Variants in KIAA1328 observed in about 807,000 individuals in gnomAD.
KIAA1328 encodes the protein protein hinderin.
KIAA1328 carries 52 observed loss-of-function variants against 68.1 expected under a neutral mutation model. That is an observed-to-expected ratio of 0.76 (90% CI 0.61 to 0.96). KIAA1328 has a LOEUF of 0.96. Ranked by LOEUF, KIAA1328 falls within the 40% of genes least tolerant of loss-of-function variation. KIAA1328 has a pLI of 0.00. For missense variants in KIAA1328, 641 were observed against 677.6 expected, an observed-to-expected ratio of 0.95 and a Z score of 0.60; for synonymous variants, 232 against 239.4, an observed-to-expected ratio of 0.97 and a Z score of 0.28.
At chr18:37,097,230 C>T (rs1261759619) in intron 7 of KIAA1328, among the ~76,000 whole-genome samples, 4 of 152,190 alleles carry the variant, frequency 2.6e-5, no homozygotes, top group East Asian at 3.8e-4. Context: ...GTCTTTAATA[C>T]ATTTTGAATT....
intron 7 of KIAA1328, among the ~76,000 whole-genome samples, chr18:37,126,076 G>A (rs971657705): frequency 6.6e-6 from 1 of 152,158 alleles, no homozygotes; most frequent in Non-Finnish European, 1.5e-5. Context: ...AGTGGCTGAT[G>A]CCTTTGTTTT....
At chr18:37,191,974 G>A (rs2059912870) in intron 9 of KIAA1328, among the ~76,000 whole-genome samples, 1 of 152,124 alleles carries the variant, frequency 6.6e-6, no homozygotes, top group South Asian at 2.1e-4. Flanking sequence ...CGAATCTCAG[G>A]TCTCTTCCAA....
chr18:36,944,579 A>C (rs1316512326), intron 5 of KIAA1328, among the ~76,000 whole-genome samples: 1 of 104,116 alleles, frequency 9.6e-6, no homozygotes, highest in Non-Finnish European at 2.5e-5. Flanking sequence ...ACTCTGTCTC[A>C]AAAAAAAAAT....
chr18:37,129,864 G>C (rs985415545), intron 7 of KIAA1328, among the ~76,000 whole-genome samples: 1 of 152,162 alleles, frequency 6.6e-6, no homozygotes, highest in Non-Finnish European at 1.5e-5. Context: ...TGTGAAGAAG[G>C]GTGGAAGGAA....
chr18:36,910,902 T>C (rs1170768367), intron 5 of KIAA1328, among the ~76,000 whole-genome samples: 1 of 152,054 alleles, frequency 6.6e-6, no homozygotes, highest in African/African-American at 2.4e-5. Flanking sequence ...ATGAGAAATA[T>C]ACTCAGGAAA....
At chr18:37,090,795 G>A (rs1305874438) in intron 7 of KIAA1328, among the ~76,000 whole-genome samples, 1 of 152,112 alleles carries the variant, frequency 6.6e-6, no homozygotes, top group Non-Finnish European at 1.5e-5. Context: ...ATGCCCAGAT[G>A]CCCCTAGACC....
chr18:37,115,406 A>G (rs1055891985), intron 7 of KIAA1328, among the ~76,000 whole-genome samples: 1 of 152,212 alleles, frequency 6.6e-6, no homozygotes, highest in South Asian at 2.1e-4. Context: ...AGAACCAAAG[A>G]CAAAAACCAC....
intron 4 of KIAA1328, among the ~76,000 whole-genome samples, chr18:36,867,400 C>G (rs559655582): frequency 3.9e-5 from 6 of 152,310 alleles, no homozygotes; most frequent in African/African-American, 1.2e-4. Flanking sequence ...ACTGTATTTT[C>G]TGTACAGCCT....
At chr18:37,064,920 A>C (rs893300188) in intron 6 of KIAA1328, among the ~76,000 whole-genome samples, 2 of 152,176 alleles carry the variant, frequency 1.3e-5, no homozygotes, top group African/African-American at 4.8e-5. Flanking sequence ...CAGATTTCTA[A>C]TTTCTGACTT....
chr18:37,219,303 G>A (rs2060510253), intron 9 of KIAA1328, among the ~76,000 whole-genome samples: 1 of 152,240 alleles, frequency 6.6e-6, no homozygotes, highest in Non-Finnish European at 1.5e-5. Context: ...ACCCACTTGA[G>A]GCAGTCTGTC....
At chr18:37,214,326 G>T (rs1404017571) in intron 9 of KIAA1328, among the ~76,000 whole-genome samples, 1 of 152,104 alleles carries the variant, frequency 6.6e-6, no homozygotes, top group African/African-American at 2.4e-5. Context: ...TAATTTTTGT[G>T]TAAGGTGTAA....
intron 6 of KIAA1328, among the ~76,000 whole-genome samples, chr18:37,042,228 G>A (rs1221749922): frequency 1.3e-5 from 2 of 151,996 alleles, no homozygotes; most frequent in African/African-American, 4.8e-5. Context: ...CAACAATACT[G>A]TTTTATACTT....
intron 7 of KIAA1328, among the ~76,000 whole-genome samples, chr18:37,096,997 G>T (rs887296659): frequency 2.7e-5 from 4 of 149,112 alleles, no homozygotes; most frequent in African/African-American, 9.8e-5. Context: ...TGAGTAGATT[G>T]CAAAAATTTT....
At chr18:37,006,508 A>T (rs1004880429) in intron 6 of KIAA1328, among the ~76,000 whole-genome samples, 1 of 152,054 alleles carries the variant, frequency 6.6e-6, no homozygotes, top group Non-Finnish European at 1.5e-5. Flanking sequence ...TTTATTTAAT[A>T]GTTGTATCTC....
intron 9 of KIAA1328, among the ~76,000 whole-genome samples, chr18:37,177,526 G>A (rs2059617530): frequency 6.6e-6 from 1 of 152,150 alleles, no homozygotes; most frequent in Non-Finnish European, 1.5e-5. Flanking sequence ...AAGAAAGGGA[G>A]ATTTCACCAA....
At chr18:37,047,673 T>C (rs190745844) in intron 6 of KIAA1328, among the ~76,000 whole-genome samples, 125 of 152,328 alleles carry the variant, frequency 8.2e-4, no homozygotes, top group Non-Finnish European at 1.4e-3. Context: ...TATGAAACTT[T>C]TTCAACTTCC....
At chr18:37,083,887 A>G (rs1450231537) in intron 7 of KIAA1328, among the ~76,000 whole-genome samples, 2 of 152,220 alleles carry the variant, frequency 1.3e-5, no homozygotes, top group African/African-American at 4.8e-5. Context: ...TTGAATTTTT[A>G]AATGATATTC....
At chr18:37,169,804 GA>G (rs913553783) in intron 8 of KIAA1328, among the ~76,000 whole-genome samples, 1 of 152,086 alleles carries the variant, frequency 6.6e-6, no homozygotes, top group African/African-American at 2.4e-5. Flanking sequence ...TCTTTCTTCA[GA>G]AAAATAAATG....
intron 5 of KIAA1328, among the ~76,000 whole-genome samples, chr18:36,925,571 C>G (rs1165956877): frequency 2.0e-5 from 3 of 151,516 alleles, no homozygotes; most frequent in Non-Finnish European, 4.4e-5. Flanking sequence ...GGATCTCACT[C>G]TGTTGCCCAG....
Sources: gnomAD v4.1 joint callset for allele counts (sites outside exome capture counted in the v4.1 genomes callset) on GRCh38, gnomAD v4.1.1 for gene constraint, MANE v1.5 for transcripts, NCBI Gene and HGNC (gene_info 2026-07-23, HGNC 2026-07-21) for gene names.